DIP2C: variants seen among roughly 807,000 people sequenced by gnomAD.
DIP2C encodes the protein DIP2 acetate--CoA ligase C (putative).
A neutral mutation model predicts 192.4 loss-of-function variants in DIP2C; 33 were observed. That is an observed-to-expected ratio of 0.17 (90% CI 0.13 to 0.23). DIP2C has a LOEUF of 0.23. Ranked by LOEUF, DIP2C falls within the 10% of genes least tolerant of loss-of-function variation. The pLI is 1.00. For synonymous variants in DIP2C, 979 were observed against 864.1 expected, an observed-to-expected ratio of 1.13 and a Z score of -2.33; for missense variants, 1,537 against 2,110.1, an observed-to-expected ratio of 0.73 and a Z score of 5.32.
At chr10:362,375 T>A in intron 22 of DIP2C, 115 bp downstream of exon 22, 1 of 1,243,376 alleles carries the variant, frequency 8.0e-7, no homozygotes, top group Non-Finnish European at 1.1e-6. Context: ...ACCACTTCTT[T>A]CCCGCAAGCA....
chr10:598,382 C>T (rs550739321), intron 1 of DIP2C, among the ~76,000 whole-genome samples: 2 of 152,386 alleles, frequency 1.3e-5, no homozygotes, highest in Non-Finnish European at 2.9e-5. Context: ...ACCTTCAAAT[C>T]AATGAAGAAT....
At chr10:544,222 TGACCTTTGGTGC>T (rs1848161716) in intron 1 of DIP2C, among the ~76,000 whole-genome samples, 1 of 152,224 alleles carries the variant, frequency 6.6e-6, no homozygotes, top group Admixed American at 6.5e-5. Context: ...ACCTTTGGTG[TGACCTTTGGTGC>T]TGGCATCTTT....
At chr10:399,300 T>C in intron 9 of DIP2C, 81 bp from the exon 10 acceptor site, 3 of 1,076,146 alleles carry the variant, frequency 2.8e-6, no homozygotes, top group Non-Finnish European at 4.3e-6. Context: ...TGGTTCTAGG[T>C]GAGAGGGCAC....
intron 17 of DIP2C, chr10:369,837 C>A: frequency 7.6e-7 from 1 of 1,315,720 alleles, no homozygotes; most frequent in Non-Finnish European, 1.0e-6. Context: ...CTGCTTCCGC[C>A]TCTACATTCC....
intron 1 of DIP2C, among the ~76,000 whole-genome samples, chr10:513,323 C>T (rs1846146567): frequency 6.6e-6 from 1 of 152,210 alleles, no homozygotes; most frequent in Non-Finnish European, 1.5e-5. Flanking sequence ...ACTTTGCAAA[C>T]TGAATTTGTT....
chr10:642,998 G>GT (rs1370585244), intron 1 of DIP2C, among the ~76,000 whole-genome samples: 1 of 148,286 alleles, frequency 6.7e-6, no homozygotes, highest in African/African-American at 2.5e-5. Context: ...GAGGCCAACA[G>GT]TTTAAGACCA....
In DIP2C at chr10:589,535, T is replaced by C. The variant is rs190798328; in HGVS notation, c.85+99959A>G. 3.0e-3 allele frequency among the ~76,000 whole-genome samples: 451 copies of C among 152,338 alleles called. 5 individuals carry two copies. The highest frequency in any genetic ancestry group is 0.01 in the African/African-American group (430 of 41,578). ...CTCCTTGTTTTCACTCTTTTGCATA[T>C]GGCTGTCCGATAATTCCAGCACCAT... On this transcript the variant is annotated intron_variant, in intron 1 of 36. Transcript: ENST00000280886.
intron 3 of DIP2C, among the ~76,000 whole-genome samples, chr10:464,805 T>C (rs1045683940): frequency 1.3e-5 from 2 of 152,136 alleles, no homozygotes; most frequent in Non-Finnish European, 2.9e-5. Flanking sequence ...GATACATTCC[T>C]CGACACATAC....
Position 440,910 on chromosome 10 carries a change from G to A in DIP2C, c.355C>T (p.Leu119=). The part of the protein sequence containing the change: ...AVPMPSKRRS[L]VVQTSMDAYT... ...GCGTCCATCGAGGTCTGCACGACCA[G>A]GGACCTGCGTTTGGAAGGCATAGGC... is the stretch of plus-strand genomic sequence containing the variant. The change falls in exon 4 of 37, where the codon CTG becomes TTG. Residue 119 remains leucine, a synonymous_variant. Coordinates refer to ENST00000280886, the MANE Select transcript of DIP2C (RefSeq NM_014974.3). The A allele has an allele frequency of 1.2e-6, 2 of 1,613,810 alleles. No individual in the cohort carries two copies. The highest frequency in any genetic ancestry group is 1.7e-6 in the Non-Finnish European group (2 of 1,180,042).
chr10:383,958 C>T (rs1231282422), intron 16 of DIP2C, 69 bp downstream of exon 16: 47 of 1,357,384 alleles, frequency 3.5e-5, no homozygotes, highest in African/African-American at 4.6e-5. Context: ...GCCTGCCTGC[C>T]TCACGAAAAA....
chr10:637,678 AC>A (rs1854915387), intron 1 of DIP2C, among the ~76,000 whole-genome samples: 1 of 152,226 alleles, frequency 6.6e-6, no homozygotes, highest in African/African-American at 2.4e-5. Context: ...CACAAACATT[AC>A]AAAAGCCCAT....
chr10:363,326 G>A lies in DIP2C; in HGVS notation c.2478-15C>T, dbSNP rs140018855. 102 of 1,607,374 alleles carry A rather than the reference G, an allele frequency of 6.3e-5. 2 individuals are homozygous for A. In the South Asian group the frequency reaches 9.8e-4, roughly 15 times the overall value. On this transcript the variant is annotated splice_polypyrimidine_tract_variant and intron_variant, in intron 20 of 36. Coordinates refer to ENST00000280886, the MANE Select transcript of DIP2C (RefSeq NM_014974.3). This position sits in a 1 kb window ranked among gnomAD's most constrained non-coding sequence, Gnocchi z 5.4. ...ACACGGCTATCCTGCGGGGACACAG[G>A]AGCATGGTGAGCACGCGCCGGGGAC...
At chr10:506,191 GGAGA>G (rs1319411479) in intron 1 of DIP2C, among the ~76,000 whole-genome samples, 1 of 152,104 alleles carries the variant, frequency 6.6e-6, no homozygotes, top group African/African-American at 2.4e-5. Flanking sequence ...GGATGCAGCT[GGAGA>G]GAGATGCCTG....
At chr10:484,313 T>C (rs1447580294) in intron 2 of DIP2C, among the ~76,000 whole-genome samples, 1 of 152,210 alleles carries the variant, frequency 6.6e-6, no homozygotes, top group African/African-American at 2.4e-5. Flanking sequence ...TACTCTATGA[T>C]TAACTGCTTT....
chr10:428,660 G>A (rs535749054), intron 4 of DIP2C, among the ~76,000 whole-genome samples: 8 of 152,032 alleles, frequency 5.3e-5, no homozygotes, highest in East Asian at 3.9e-4. Flanking sequence ...TGAACTTCTC[G>A]GGGCTGGACA....
chr10:658,340 T>C (rs1173885126), intron 1 of DIP2C, among the ~76,000 whole-genome samples: 8 of 141,934 alleles, frequency 5.6e-5, no homozygotes, highest in Admixed American at 2.1e-4. Flanking sequence ...ACACTGGACC[T>C]GCCCCTGGAC....
At chr10:615,628 CG>C (rs1554756160) in intron 1 of DIP2C, among the ~76,000 whole-genome samples, 4 of 150,284 alleles carry the variant, frequency 2.7e-5, no homozygotes, top group African/African-American at 1.0e-4. Flanking sequence ...CACACACACC[CG>C]CCCCACACAC....
rs764285130 is a variant in DIP2C at position 440,987 on chromosome 10, G to C, written c.278C>G (p.Thr93Arg). Residue 93 changes from threonine to arginine, a missense_variant, in exon 4 of 37, where the codon ACG becomes AGG. Physicochemically the swap from Thr to Arg is moderately conservative, Grantham distance 71. Coordinates refer to ENST00000280886, the MANE Select transcript of DIP2C (RefSeq NM_014974.3). Reference sequence around the variant, plus strand: ...GGCCAGAGCCGCCTGGACAGCTTCCGTGTGGACGTCTGAAACGGAGAGAGC... The same window carrying C: ...GGCCAGAGCCGCCTGGACAGCTTCCCTGTGGACGTCTGAAACGGAGAGAGC... ...RDERYRSDVHTEAVQAALAKH... is the reference protein window; with the variant it reads ...RDERYRSDVHREAVQAALAKH... 3 of 1,612,808 alleles carry C rather than the reference G, an allele frequency of 1.9e-6. No individual in the cohort carries two copies. Among genetic ancestry groups the C allele is most frequent in the South Asian group, 1.1e-5 (1 of 91,010 alleles).
chr10:600,879 C>T (rs1376990015), intron 1 of DIP2C, among the ~76,000 whole-genome samples: 2 of 151,050 alleles, frequency 1.3e-5, no homozygotes, highest in Non-Finnish European at 1.5e-5. Flanking sequence ...TTTTCTGTAA[C>T]AAAGTTGGAT....
Sources: allele counts gnomAD v4.1 joint callset (sites outside exome capture counted in the v4.1 genomes callset), GRCh38; gene constraint gnomAD v4.1.1; non-coding constraint Gnocchi (gnomAD v3.1); transcripts MANE v1.5; gene names NCBI Gene and HGNC (gene_info 2026-07-23, HGNC 2026-07-21).